Variants in NT5DC3 observed in about 807,000 individuals in gnomAD.
NT5DC3 encodes the protein 5'-nucleotidase domain containing 3, also known as 5'-nucleotidase domain-containing protein 3.
A neutral mutation model predicts 67.8 loss-of-function variants in NT5DC3; 42 were observed. The ratio of observed to expected loss-of-function variants is 0.62; its 90% CI spans 0.48 to 0.80. The LOEUF (loss-of-function observed/expected upper bound fraction) is 0.80, where lower values mean the gene tolerates loss of function less well. Ranked by LOEUF, NT5DC3 falls within the 30% of genes least tolerant of loss-of-function variation. The probability of loss-of-function intolerance (pLI) is 0.00; values close to 1 mark genes in which losing one functional copy is unlikely to be tolerated. For synonymous variants in NT5DC3, 237 were observed against 255.6 expected (o/e 0.93, Z 0.69); for missense variants, 570 against 696.4 (o/e 0.82, Z 2.04).
chr12:103,793,823 C>A, intron 7 of NT5DC3, 114 bp downstream of exon 7: 1 of 820,210 alleles, frequency 1.2e-6, no homozygotes. Flanking sequence ...CAGGTCCTTA[C>A]AGAGCACTCA....
chr12:103,841,082 A>G lies in NT5DC3; in HGVS notation c.75T>C (p.Gly25=), dbSNP rs984190507. ...ARAATAAALR[G]GCGTAARGRP... is the part of the protein sequence containing the mutation. ...GCCCCCGAGCCGCGGTCCCGCAGCCACCCCGCAAAGCCGCCGCTGTCGCTG... is the reference window on the plus strand; with the variant it reads ...GCCCCCGAGCCGCGGTCCCGCAGCCGCCCCGCAAAGCCGCCGCTGTCGCTG... Residue 25 remains glycine (G), a synonymous_variant, in exon 1 of 14, where the codon GGT becomes GGC. Transcript: ENST00000392876. 8.0e-6 allele frequency: 10 copies of G among 1,252,794 alleles called. No homozygotes were observed. Among genetic ancestry groups the G allele is most frequent in the Non-Finnish European group, 9.1e-6 (9 of 993,868 alleles). The allele number at this position is 1,252,794 out of a possible 1,614,324, so 77.6% of individuals were successfully genotyped here.
chr12:103,758,018 G>A, the NT5DC3 span: 2 of 1,130,776 alleles, frequency 1.8e-6, no homozygotes, highest in Non-Finnish European at 2.5e-6. Flanking sequence ...CTCTCCCACG[G>A]CGCAGGCAGA....
downstream of NT5DC3, among the ~76,000 whole-genome samples, chr12:103,767,573 A>AGACAT (rs1885038562): frequency 6.6e-6 from 1 of 152,236 alleles, no homozygotes; most frequent in Non-Finnish European, 1.5e-5. Flanking sequence ...ATCTCAAAGA[A>AGACAT]GACATGATAA....
the NT5DC3 span, among the ~76,000 whole-genome samples, chr12:103,751,790 TC>T: frequency 2.0e-5 from 3 of 152,202 alleles, no homozygotes; most frequent in African/African-American, 7.2e-5. Flanking sequence ...GTCCAGCTTC[TC>T]CCATGGGCTT....
At chr12:103,765,030 T>C in the NT5DC3 span, among the ~76,000 whole-genome samples, 1 of 131,222 alleles carries the variant, frequency 7.6e-6, no homozygotes, top group Admixed American at 9.7e-5. Flanking sequence ...GAGGTTGCAG[T>C]GAGCAGAGAT....
At chr12:103,832,486 A>G (rs1011340677) in intron 1 of NT5DC3, among the ~76,000 whole-genome samples, 1 of 150,880 alleles carries the variant, frequency 6.6e-6, no homozygotes, top group Non-Finnish European at 1.5e-5. Context: ...TCTTACCTTC[A>G]AAAGCTGGCA....
At chr12:103,833,041 G>A (rs1887998534) in intron 1 of NT5DC3, among the ~76,000 whole-genome samples, 1 of 152,104 alleles carries the variant, frequency 6.6e-6, no homozygotes, top group Non-Finnish European at 1.5e-5. Context: ...CTGGTTGTAA[G>A]CATCTTTCAG....
the NT5DC3 span, among the ~76,000 whole-genome samples, chr12:103,760,939 G>A: frequency 5.3e-5 from 8 of 152,250 alleles, no homozygotes; most frequent in Admixed American, 1.3e-4. Context: ...TTAAAATACA[G>A]CTTTTCTAAC....
chr12:103,826,906 T>C (rs55993375), intron 1 of NT5DC3, among the ~76,000 whole-genome samples: 15,493 of 152,246 alleles, frequency 0.1, 1,123 homozygotes, highest in East Asian at 0.29. Context: ...AAAAAGCATG[T>C]GATTTATGTT....
chr12:103,746,524 G>A, the NT5DC3 span: 1 of 1,434,574 alleles, frequency 7.0e-7, no homozygotes, highest in African/African-American at 1.4e-5. Flanking sequence ...AGAGAGTCTT[G>A]GAAAGTCTCC....
intron 4 of NT5DC3, among the ~76,000 whole-genome samples, chr12:103,802,906 G>A (rs1299115109): frequency 7.9e-5 from 12 of 152,174 alleles, no homozygotes; most frequent in Admixed American, 7.9e-4. Flanking sequence ...TTATTCTGTA[G>A]AGAGCAGGGA....
chr12:103,801,898 T>C (rs942771767), intron 4 of NT5DC3, among the ~76,000 whole-genome samples: 2 of 152,152 alleles, frequency 1.3e-5, no homozygotes, highest in Non-Finnish European at 2.9e-5. Context: ...GTATGCTTCA[T>C]CTTCACCAGC....
the NT5DC3 span, among the ~76,000 whole-genome samples, chr12:103,748,712 G>A: frequency 6.6e-6 from 1 of 151,512 alleles, no homozygotes; most frequent in African/African-American, 2.4e-5. Flanking sequence ...CCAAAGTCAA[G>A]CCTGGAGGTA....
chr12:103,816,835 G>C (rs904525692), intron 1 of NT5DC3, among the ~76,000 whole-genome samples: 2 of 152,138 alleles, frequency 1.3e-5, no homozygotes, highest in Admixed American at 1.3e-4. Flanking sequence ...ACTTAAGATA[G>C]TGCAGTAGTG....
the NT5DC3 span, chr12:103,746,365 A>T: frequency 5.1e-6 from 2 of 392,066 alleles, no homozygotes; most frequent in Non-Finnish European, 9.4e-6. Flanking sequence ...ATTTTTTCTC[A>T]TATAAATCTC....
rs1387495782 is a variant in NT5DC3 at position 103,794,203 on chromosome 12, G to A, written c.754-206C>T. Among the ~76,000 whole-genome samples the A allele has an allele frequency of 1.1e-4, 7 of 65,732 alleles. 1 individual carries two copies. The highest frequency in any genetic ancestry group is 5.6e-4 in the Admixed American group (3 of 5,362). 43.1% of individuals were successfully genotyped at this position (65,732 alleles called of 152,430 possible). On this transcript the variant is annotated intron_variant, in intron 6 of 13. Coordinates refer to ENST00000392876, the MANE Select transcript of NT5DC3 (RefSeq NM_001031701.3). Reference sequence around the variant, plus strand: ...CTTGTTATATCACCCAGGCTGAAGTGCAGTGGTCCCATCTCAGCTCAATGC... The same window carrying A: ...CTTGTTATATCACCCAGGCTGAAGTACAGTGGTCCCATCTCAGCTCAATGC...
At chr12:103,818,518 G>C (rs917091183) in intron 1 of NT5DC3, among the ~76,000 whole-genome samples, 4 of 151,396 alleles carry the variant, frequency 2.6e-5, no homozygotes, top group African/African-American at 9.7e-5. Flanking sequence ...TGAGATTACA[G>C]GTGTGCACCA....
At chr12:103,746,373 C>T in the NT5DC3 span, 1 of 418,540 alleles carries the variant, frequency 2.4e-6, no homozygotes, top group Non-Finnish European at 4.4e-6. Context: ...TCATATAAAT[C>T]TCAATGACAT....
At chr12:103,755,286 G>A in the NT5DC3 span, 1 of 1,612,910 alleles carries the variant, frequency 6.2e-7, no homozygotes, top group East Asian at 2.2e-5. Flanking sequence ...CCATGGCCCT[G>A]TCTGTATCCC....
Sources: allele counts gnomAD v4.1 joint callset (sites outside exome capture counted in the v4.1 genomes callset), GRCh38; gene constraint gnomAD v4.1.1; transcripts MANE v1.5; gene names NCBI Gene and HGNC (gene_info 2026-07-23, HGNC 2026-07-21).